Variants in ABCC10 observed in about 807,000 individuals in gnomAD.
The protein encoded by ABCC10 is ATP-binding cassette sub-family C member 10.
ABCC10 carries 110 observed loss-of-function variants against 143.2 expected under a neutral mutation model. That is an observed-to-expected ratio of 0.77 (90% CI 0.66 to 0.90). The LOEUF is 0.90. Among genes scored for constraint, ABCC10 ranks in the 40% least tolerant of loss-of-function variants. ABCC10 has a pLI of 0.00. For synonymous variants in ABCC10, 805 were observed against 846.7 expected, an observed-to-expected ratio of 0.95 and a Z score of 0.85; for missense variants, 1,700 against 1,900.5, an observed-to-expected ratio of 0.89 and a Z score of 1.96.
Position 43,445,960 on chromosome 6 carries a change from C to T in ABCC10, c.3374+18C>T, listed in dbSNP as rs758340268. On this transcript the variant is annotated intron_variant, in intron 15 of 21. Transcript: ENST00000372530. ...ACCTACAGGTGTGTGAACCAGAGCC[C>T]AGGGGGATGAGGTGTTGGGGGGAGA... is the stretch of plus-strand genomic sequence containing the variant. The T allele has an allele frequency of 4.4e-6, 7 of 1,601,360 alleles. No homozygotes were observed. Among genetic ancestry groups the T allele is most frequent in the Non-Finnish European group, 6.0e-6 (7 of 1,171,392 alleles).
Position 43,432,772 on chromosome 6 carries a change from G to A in ABCC10, c.792G>A (p.Gln264=). The A allele has an allele frequency of 1.2e-6, 2 of 1,614,206 alleles. No individual in the cohort carries two copies. Among genetic ancestry groups the A allele is most frequent in the Non-Finnish European group, 1.7e-6 (2 of 1,180,040 alleles). ...LQPTYLARVF[Q]AHWQEGARLW... Reference sequence around the variant, plus strand: ...CAACCTACCTGGCTCGTGTCTTCCAGGCACACTGGCAGGAGGGGGCACGGC... The same window carrying A: ...CAACCTACCTGGCTCGTGTCTTCCAAGCACACTGGCAGGAGGGGGCACGGC... Residue 264 remains glutamine, a synonymous_variant, in exon 3 of 22, where the codon CAG becomes CAA. Transcript: ENST00000372530.
chr6:43,444,641 T>A (rs1782830124), intron 12 of ABCC10, 147 bp from the exon 13 acceptor site: 1 of 1,167,708 alleles, frequency 8.6e-7, no homozygotes, highest in Non-Finnish European at 1.2e-6. Context: ...CTAGGGAGGA[T>A]ATGGGGTAGT....
intron 7 of ABCC10, chr6:43,438,369 T>C (rs1781975534): frequency 7.1e-7 from 1 of 1,417,154 alleles, no homozygotes; most frequent in Admixed American, 2.9e-5. Flanking sequence ...GGCCATACTC[T>C]CCACTGAGCT....
At chr6:43,451,323 T>C (rs1289612149), downstream of ABCC10, 1 of 1,583,176 alleles carries the variant, frequency 6.3e-7, no homozygotes, top group East Asian at 2.2e-5. The surrounding 1 kb of genome is among the most constrained non-coding windows in gnomAD (Gnocchi z 4.4). Flanking sequence ...CCAACACCTG[T>C]AGGGCAGCCC....
chr6:43,439,523 C>T (rs1255277254), intron 8 of ABCC10, among the ~76,000 whole-genome samples: 3 of 152,148 alleles, frequency 2.0e-5, no homozygotes, highest in Admixed American at 6.5e-5. Flanking sequence ...CCACCTCAGC[C>T]CCTCAAGTGG....
rs982853077 is a variant in ABCC10, at chr6:43,445,242, A to G, written c.2958A>G (p.Ala986=). The G allele has an allele frequency of 5.0e-6, 8 of 1,613,916 alleles. No individual in the cohort carries two copies. The highest frequency in any genetic ancestry group is 6.8e-6 in the Non-Finnish European group (8 of 1,180,002). ...GVNSLCTLLR[A]VLFAAGTLQA... is the part of the protein sequence containing the mutation. ...ATTCCCTCTGCACCCTTCTCCGGGC[A>G]GTGCTCTTTGCAGCAGGCACCCTTC... Residue 986 remains alanine (A), a synonymous_variant, in exon 14 of 22, where the codon GCA becomes GCG. Coordinates refer to ENST00000372530, the MANE Select transcript of ABCC10 (RefSeq NM_001198934.2).
At chr6:43,431,689 T>C in intron 2 of ABCC10, 1 of 539,690 alleles carries the variant, frequency 1.9e-6, no homozygotes, top group Non-Finnish European at 2.4e-6. Flanking sequence ...TTTAGATTCA[T>C]GAGGCATATG....
rs1477975552 is a variant in ABCC10, at chr6:43,445,719, G to A, written c.3151G>A (p.Ala1051Thr). The A allele has an allele frequency of 1.2e-6, 2 of 1,614,088 alleles. No homozygotes were observed. The highest frequency in any genetic ancestry group is 1.1e-5 in the South Asian group (1 of 91,080). Residue 1051 changes from alanine to threonine, a missense_variant, in exon 15 of 22, where the codon GCA becomes ACA. Coordinates refer to ENST00000372530, the MANE Select transcript of ABCC10 (RefSeq NM_001198934.2). ...FILNILLANA[A>T]GLLGLLAVLG... ...CCTCAACATCCTCCTGGCCAACGCG[G>A]CAGGCCTGCTGGGGCTCCTGGCCGT...
At chr6:43,437,433 C>CAAAAAAAAAAAAAAA (rs57827467) in intron 6 of ABCC10, among the ~76,000 whole-genome samples, 6 of 102,410 alleles carry the variant, frequency 5.9e-5, no homozygotes, top group Admixed American at 9.7e-5. Context: ...AACATATGAC[C>CAAAAAAAAAAAAAAA]AAAAAAAAAA....
chr6:43,446,573 T>C, intron 16 of ABCC10, 127 bp downstream of exon 16: 1 of 1,434,172 alleles, frequency 7.0e-7, no homozygotes, highest in East Asian at 2.5e-5. Flanking sequence ...GGATGTATCA[T>C]GATTATCATC....
Position 43,449,893 on chromosome 6 carries a change from C to A in ABCC10, c.4317-36C>A, listed in dbSNP as rs539108272. On this transcript the variant is annotated intron_variant, in intron 21 of 21. Transcript: ENST00000372530. ...CAGTGTTCTTACTTAGGGCATTGTCCCTCATCCCCTACACTGACCATCTTC... is the reference window on the plus strand; with the variant it reads ...CAGTGTTCTTACTTAGGGCATTGTCACTCATCCCCTACACTGACCATCTTC... 4 of 1,611,426 alleles carry A rather than the reference C, an allele frequency of 2.5e-6. 1 individual carries two copies. The African/African-American group carries it at 5.3e-5, about 22-fold the overall frequency.
At chr6:43,447,161 A>T in intron 16 of ABCC10, 87 bp from the exon 17 acceptor site, 1 of 1,485,700 alleles carries the variant, frequency 6.7e-7, no homozygotes, top group Non-Finnish European at 9.1e-7. Context: ...TGCTTCCTTT[A>T]AATGCCAGCA....
intron 18 of ABCC10, 51 bp downstream of exon 18, chr6:43,447,988 A>G: frequency 1.2e-6 from 2 of 1,601,904 alleles, no homozygotes. Context: ...AACTACTGGC[A>G]CTTAGAGGAG....
In ABCC10 at chr6:43,433,302, C is replaced by T. The variant is rs1303276159; in HGVS notation, c.1322C>T (p.Ala441Val). 1 of 1,614,082 alleles carries T rather than the reference C, an allele frequency of 6.2e-7. No individual in the cohort carries two copies. Among genetic ancestry groups the T allele is most frequent in the East Asian group, 2.2e-5 (1 of 44,882 alleles). ...CTGGTACCCGTCAACAAAGTGATTG[C>T]CACCCGCATCATGGCCAGCAACCAG... ...LLLVPVNKVIATRIMASNQEM... is the reference protein window; with the variant it reads ...LLLVPVNKVIVTRIMASNQEM... The change falls in exon 3 of 22, where the codon GCC becomes GTC. Residue 441 changes from alanine to valine, a missense_variant. Ala to Val is a moderately conservative substitution (Grantham distance 64). Coordinates refer to ENST00000372530, the MANE Select transcript of ABCC10 (RefSeq NM_001198934.2).
chr6:43,438,982 G>C (rs1581740121), intron 8 of ABCC10, among the ~76,000 whole-genome samples, 187 bp downstream of exon 8: 1 of 152,294 alleles, frequency 6.6e-6, no homozygotes, highest in African/African-American at 2.4e-5. Flanking sequence ...CCAGTAGGGT[G>C]GTGACTGTGT....
Position 43,444,243 on chromosome 6 carries a change from A to C in ABCC10, c.2579A>C (p.Glu860Ala). The C allele has an allele frequency of 6.2e-7, 1 of 1,614,150 alleles. No individual in the cohort carries two copies. The highest frequency in any genetic ancestry group is 1.1e-5 in the South Asian group (1 of 91,090). Residue 860 changes from glutamate to alanine, a missense_variant, in exon 12 of 22, where the codon GAA (glutamate) becomes GCA (alanine). Glu to Ala is a moderately radical substitution (Grantham distance 107). Coordinates refer to ENST00000372530, the MANE Select transcript of ABCC10 (RefSeq NM_001198934.2). Reference sequence around the variant, plus strand: ...AGCACATCTGGTCGCCTGCTGCAGGAAGAAAGCAAGAAGGAGGGCGCCGTG... The same window carrying C: ...AGCACATCTGGTCGCCTGCTGCAGGCAGAAAGCAAGAAGGAGGGCGCCGTG... ...EQSTSGRLLQEESKKEGAVAL... is the reference protein window; with the variant it reads ...EQSTSGRLLQAESKKEGAVAL...
intron 18 of ABCC10, among the ~76,000 whole-genome samples, chr6:43,448,551 G>A (rs868834730): frequency 9.2e-5 from 14 of 152,088 alleles, no homozygotes; most frequent in South Asian, 2.1e-4. Context: ...CATTCCCTGC[G>A]TAGCCACTGC....
Position 43,444,156 on chromosome 6 carries a change from C to G in ABCC10, c.2495-3C>G. 1 of 1,611,270 alleles carries G rather than the reference C, an allele frequency of 6.2e-7. No homozygotes were observed. Among genetic ancestry groups the G allele is most frequent in the Non-Finnish European group, 8.5e-7 (1 of 1,177,992 alleles). ...ATTCTTCCATGACCCCTGATTCTCA[C>G]AGCCACAGCCCAGTCAGTACAGAAC... On this transcript the variant is annotated splice_polypyrimidine_tract_variant and splice_region_variant and intron_variant, in intron 11 of 21. Transcript: ENST00000372530.
At chr6:43,438,452 T>C (rs1781984271) in intron 7 of ABCC10, 172 bp from the exon 8 acceptor site, 1 of 1,432,464 alleles carries the variant, frequency 7.0e-7, no homozygotes, top group South Asian at 1.5e-5. Flanking sequence ...TCGCCCAGAA[T>C]GGGCTTCATT....
Sources: allele counts gnomAD v4.1 joint callset (sites outside exome capture counted in the v4.1 genomes callset), GRCh38; gene constraint gnomAD v4.1.1; non-coding constraint Gnocchi (gnomAD v3.1); transcripts MANE v1.5; gene names NCBI Gene and HGNC (gene_info 2026-07-23, HGNC 2026-07-21).